URB1: variants seen among roughly 807,000 people sequenced by gnomAD.
The protein encoded by URB1 is nucleolar pre-ribosomal-associated protein 1.
In URB1, 197 loss-of-function variants were observed where a neutral mutation model predicts 242.3. The observed-to-expected ratio is 0.81, with a 90% CI of 0.72 to 0.91. The LOEUF is 0.91. Ranked by LOEUF, URB1 falls within the 40% of genes least tolerant of loss-of-function variation. The pLI, the probability that URB1 is intolerant of heterozygous loss-of-function variation, is 0.00. For synonymous variants in URB1, 1,153 were observed against 1,201.8 expected, an observed-to-expected ratio of 0.96 and a Z score of 0.84; for missense variants, 2,721 against 2,860.5, an observed-to-expected ratio of 0.95 and a Z score of 1.11.
In URB1 at chr21:32,392,960, G is replaced by A. The variant is rs1344532753; in HGVS notation, c.-50C>T. ...GAAACGACACACCTGAGGGGACCCG[G>A]CAGGAGCACTGGCACAGACAGCAGA... is the stretch of plus-strand genomic sequence containing the variant. On this transcript the variant is annotated 5_prime_UTR_variant, in exon 1 of 39. Coordinates refer to ENST00000382751, the MANE Select transcript of URB1 (RefSeq NM_014825.3). 2.8e-6 allele frequency: 4 copies of A among 1,443,682 alleles called. No homozygotes were observed. Among genetic ancestry groups the A allele is most frequent in the South Asian group, 2.8e-5 (2 of 72,586 alleles). 89.4% of individuals were successfully genotyped at this position (1,443,682 alleles called of 1,614,324 possible). A position where few individuals can be genotyped will look rare whatever the true frequency, so the allele number is the denominator to read the frequency against.
intron 29 of URB1, 144 bp downstream of exon 29, chr21:32,334,019 G>T (rs1315329435): frequency 1.9e-6 from 2 of 1,064,426 alleles, no homozygotes; most frequent in African/African-American, 1.6e-5. Context: ...GGCTTATGAG[G>T]GTCTGGTCTC....
intron 15 of URB1, 52 bp from the exon 16 acceptor site, chr21:32,355,617 T>C: frequency 1.4e-6 from 2 of 1,442,824 alleles, no homozygotes; most frequent in Non-Finnish European, 1.9e-6. Flanking sequence ...GCGCTTTCTT[T>C]CTTTTCTTTG....
intron 4 of URB1, among the ~76,000 whole-genome samples, chr21:32,381,427 A>T (rs1601158001): frequency 3.5e-5 from 2 of 57,564 alleles, no homozygotes. Flanking sequence ...TATATTCATT[A>T]AAAAAAAAAA....
At position 32,337,465 on chromosome 21, in the gene URB1, G is replaced by GA; in HGVS notation, c.4559dup (p.Cys1521LeufsTer2). On this transcript the variant is annotated frameshift_variant, in exon 27 of 39. Coordinates refer to ENST00000382751, the MANE Select transcript of URB1 (RefSeq NM_014825.3). LOFTEE classifies it high-confidence loss of function. ...GCACTGCAAAGTGGCTGCTCTCACAGACAGAGGGGCACATCTCCACCACCG... is the reference window on the plus strand; with the variant it reads ...GCACTGCAAAGTGGCTGCTCTCACAGAACAGAGGGGCACATCTCCACCACCG... 1 of 1,550,932 alleles carries GA rather than the reference G, an allele frequency of 6.4e-7. No individual in the cohort carries two copies.
rs2032628725 is a variant in URB1, at chr21:32,313,594, G to A, written c.*1324C>T. 6.6e-6 allele frequency: 1 copy of A among 152,212 alleles called. No individual in the cohort carries two copies. The highest frequency in any genetic ancestry group is 2.1e-4 in the South Asian group (1 of 4,836). The allele number at this position is 152,212 out of a possible 1,614,324, so 9.4% of individuals were successfully genotyped here. On this transcript the variant is annotated 3_prime_UTR_variant, in exon 39 of 39. Transcript: ENST00000382751. ...GCCAACAAACGTTACTCATGCTTTAGTTAAAACTTTAAGTCACCTAAAACA... is the reference window on the plus strand; with the variant it reads ...GCCAACAAACGTTACTCATGCTTTAATTAAAACTTTAAGTCACCTAAAACA...
At chr21:32,342,037 AT>A (rs34365187) in intron 24 of URB1, among the ~76,000 whole-genome samples, 151,748 of 151,864 alleles carry the variant, frequency 1, 75,816 homozygotes, top group Middle Eastern at 1. Flanking sequence ...AAGGTTTTGG[AT>A]TTTTTTTTTT....
At chr21:32,348,136 T>C (rs2123580314) in intron 21 of URB1, among the ~76,000 whole-genome samples, 1 of 152,242 alleles carries the variant, frequency 6.6e-6, no homozygotes, top group South Asian at 2.1e-4. Context: ...TGGGTGAATT[T>C]CCAGCATGGG....
intron 24 of URB1, among the ~76,000 whole-genome samples, chr21:32,344,098 T>G (rs1416332131): frequency 6.6e-6 from 1 of 152,198 alleles, no homozygotes; most frequent in East Asian, 1.9e-4. Context: ...TACTTAATCC[T>G]TAAGACCAAA....
chr21:32,337,773 T>C (rs1420373279), intron 26 of URB1, among the ~76,000 whole-genome samples: 1 of 151,892 alleles, frequency 6.6e-6, no homozygotes, highest in African/African-American at 2.4e-5. Context: ...GCAATCCTCC[T>C]TGGCATCCCA....
In URB1 at chr21:32,314,088, C is replaced by T. The variant is rs1321102936; in HGVS notation, c.*830G>A. The T allele has an allele frequency of 6.2e-6, 1 of 162,492 alleles. No homozygotes were observed. The highest frequency in any genetic ancestry group is 5.9e-5 in the Admixed American group (1 of 16,822). The allele number at this position is 162,492 out of a possible 1,614,324, so 10.1% of individuals were successfully genotyped here. A position where few individuals can be genotyped will look rare whatever the true frequency, so the allele number is the denominator to read the frequency against. On this transcript the variant is annotated 3_prime_UTR_variant, in exon 39 of 39. Transcript: ENST00000382751. ...ATTCTTTAAGGATTCAGTGTAACAT[C>T]CTTTTCTTTAATAAAATAATTAAAC...
chr21:32,359,686 T>G (rs1362630210), intron 14 of URB1, 110 bp downstream of exon 14: 3 of 942,662 alleles, frequency 3.2e-6, no homozygotes, highest in Non-Finnish European at 4.5e-6. Context: ...TGTTAACCTC[T>G]TCCGTCTTGC....
intron 38 of URB1, among the ~76,000 whole-genome samples, chr21:32,316,201 T>C (rs1397562187): frequency 1.3e-5 from 2 of 152,224 alleles, no homozygotes; most frequent in African/African-American, 4.8e-5. Context: ...GCCAAGGTTC[T>C]GAGGTGCCCT....
In URB1 at chr21:32,317,758, C is replaced by G; in HGVS notation, c.5952G>C (p.Lys1984Asn). Residue 1984 changes from lysine (K) to asparagine (N), a missense_variant, in exon 37 of 39, where the codon AAG (lysine) becomes AAC (asparagine). Transcript: ENST00000382751. ...STKDVLVLLH[K>N]WSLIERDLKL... Reference sequence around the variant, plus strand: ...TGAGGTCTCTTTCAATGAGGCTCCACTTGTGCAAGAGGACAAGGACGTCCT... The same window carrying G: ...TGAGGTCTCTTTCAATGAGGCTCCAGTTGTGCAAGAGGACAAGGACGTCCT... 1 of 1,551,910 alleles carries G rather than the reference C, an allele frequency of 6.4e-7. No homozygotes were observed. The highest frequency in any genetic ancestry group is 2.0e-5 in the Admixed American group (1 of 51,004).
At chr21:32,332,063 C>T (rs934723647) in intron 30 of URB1, among the ~76,000 whole-genome samples, 4 of 152,138 alleles carry the variant, frequency 2.6e-5, no homozygotes, top group South Asian at 2.1e-4. Context: ...CAGTCACAAG[C>T]GGGACAGATG....
chr21:32,311,387 G>T lies in URB1; in HGVS notation c.*3531C>A. The T allele has an allele frequency of 4.2e-6, 2 of 473,546 alleles. No homozygotes were observed. The highest frequency in any genetic ancestry group is 7.6e-6 in the Non-Finnish European group (2 of 264,288). 29.3% of individuals were successfully genotyped at this position (473,546 alleles called of 1,614,324 possible). A position where few individuals can be genotyped will look rare whatever the true frequency, so the allele number is the denominator to read the frequency against. ...TACACTCAGATACAGCGCTGGATGG[G>T]AGGTCAACCTGCTCCCCTCCACCCC... On this transcript the variant is annotated 3_prime_UTR_variant, in exon 39 of 39. Transcript: ENST00000382751.
chr21:32,383,201 T>A (rs756018914), intron 4 of URB1, among the ~76,000 whole-genome samples: 2 of 152,138 alleles, frequency 1.3e-5, no homozygotes. Context: ...TCCTCAGATA[T>A]CCCCATTGTT....
chr21:32,361,156 GAAAA>G lies in URB1; in HGVS notation c.1640-37_1640-34del, dbSNP rs145739787. The G allele has an allele frequency of 4.2e-4, 160 of 381,698 alleles. 2 individuals carry two copies. In the African/African-American group the frequency reaches 6.1e-3, roughly 14 times the overall value. The allele number at this position is 381,698 out of a possible 1,614,324, so 23.6% of individuals were successfully genotyped here. On this transcript the variant is annotated intron_variant, in intron 12 of 38. Transcript: ENST00000382751. ...AAAAAAAGAAAAAGAAAGAAAAAGA[GAAAA>G]AAGAAAGAAAGAAAGAAAGAAAGAA...
intron 6 of URB1, 30 bp downstream of exon 6, chr21:32,375,365 AGAC>A (rs1306828464): frequency 1.5e-6 from 2 of 1,362,586 alleles, no homozygotes; most frequent in Admixed American, 5.2e-5. Context: ...AAGGGAAAAC[AGAC>A]AACAGAAACG....
At position 32,377,758 on chromosome 21, in the gene URB1, G is replaced by C. The variant is rs892623207; in HGVS notation, c.664+687C>G. Among the ~76,000 whole-genome samples, 10 of 152,254 alleles carry C rather than the reference G, an allele frequency of 6.6e-5. No individual in the cohort carries two copies. The Middle Eastern group carries it at 0.01, about 155-fold the overall frequency. ...GAAGGGCTGGAGACCCAAACACCCT[G>C]AGTACAGCACCCTGCTACTCCTCCT... On this transcript the variant is annotated intron_variant, in intron 5 of 38. Transcript: ENST00000382751.
Sources: allele counts gnomAD v4.1 joint callset (sites outside exome capture counted in the v4.1 genomes callset), GRCh38; gene constraint gnomAD v4.1.1; transcripts MANE v1.5; gene names NCBI Gene and HGNC (gene_info 2026-07-23, HGNC 2026-07-21).